The following NSFL1C variants were observed in gnomAD, a reference collection of about 807,000 sequenced individuals.
The protein encoded by NSFL1C is NSFL1 cofactor p47.
NSFL1C carries 14 observed loss-of-function variants against 43.1 expected under a neutral mutation model. The ratio of observed to expected loss-of-function variants is 0.32; its 90% CI spans 0.21 to 0.51. The LOEUF (loss-of-function observed/expected upper bound fraction) is 0.51. NSFL1C is among the 20% of genes least tolerant of loss of function. The pLI is 0.98. For synonymous variants in NSFL1C, 171 were observed against 183.5 expected, an observed-to-expected ratio of 0.93 and a Z score of 0.55; for missense variants, 406 against 472.5, an observed-to-expected ratio of 0.86 and a Z score of 1.30.
chr20:1,456,735 C>G (rs2090309310), intron 3 of NSFL1C: 1 of 152,058 alleles, frequency 6.6e-6, no homozygotes, highest in South Asian at 2.1e-4. Flanking sequence ...TATGCATGCC[C>G]TTGACCTGGT....
At position 1,442,266 on chromosome 20, in the gene NSFL1C, C is replaced by T. The variant is rs1461841628; in HGVS notation, c.*1483G>A. 1 of 152,182 alleles carries T rather than the reference C, an allele frequency of 6.6e-6. No homozygotes were observed. The highest frequency in any genetic ancestry group is 2.4e-5 in the African/African-American group (1 of 41,438). 9.4% of individuals were successfully genotyped at this position (152,182 alleles called of 1,614,324 possible). ...AATCTCCACCTGCTGGAGAAAACACCGTGACAGATGCCATTGCCCCAGCAG... is the reference window on the plus strand; with the variant it reads ...AATCTCCACCTGCTGGAGAAAACACTGTGACAGATGCCATTGCCCCAGCAG... On this transcript the variant is annotated 3_prime_UTR_variant, in exon 9 of 9. Transcript: ENST00000216879.
intron 2 of NSFL1C, among the ~76,000 whole-genome samples, chr20:1,460,172 G>T (rs1368769949): frequency 6.6e-6 from 1 of 152,196 alleles, no homozygotes; most frequent in East Asian, 1.9e-4. Context: ...GGCTTTCTGT[G>T]TGCAGGTGGG....
At chr20:1,465,436 C>T (rs1302877599) in intron 1 of NSFL1C, among the ~76,000 whole-genome samples, 2 of 152,200 alleles carry the variant, frequency 1.3e-5, no homozygotes, top group African/African-American at 2.4e-5. Context: ...GTGAGGGGAA[C>T]GAGACAGAAG....
intron 1 of NSFL1C, among the ~76,000 whole-genome samples, chr20:1,465,478 G>A (rs1194184915): frequency 6.6e-6 from 1 of 152,236 alleles, no homozygotes; most frequent in Non-Finnish European, 1.5e-5. Flanking sequence ...GTGCTTTTAG[G>A]TCTTTCAGGT....
rs931311006 is a variant in NSFL1C at position 1,442,239 on chromosome 20, A to G, written c.*1510T>C. The G allele has an allele frequency of 2.0e-5, 3 of 152,240 alleles. No individual in the cohort carries two copies. The highest frequency in any genetic ancestry group is 7.2e-5 in the African/African-American group (3 of 41,456). The allele number at this position is 152,240 out of a possible 1,614,324, so 9.4% of individuals were successfully genotyped here. A position where few individuals can be genotyped will look rare whatever the true frequency, so the allele number is the denominator to read the frequency against. On this transcript the variant is annotated 3_prime_UTR_variant, in exon 9 of 9. Transcript: ENST00000216879. The stretch of plus-strand genomic sequence containing the variant: ...TTTTCCAGACCCATATGTAGGTTCC[A>G]TAATCTCCACCTGCTGGAGAAAACA...
chr20:1,458,485 A>G (rs1175180906), intron 2 of NSFL1C, among the ~76,000 whole-genome samples: 2 of 152,200 alleles, frequency 1.3e-5, no homozygotes. Flanking sequence ...TATAAATTAG[A>G]AAGTCCTATC....
chr20:1,466,639 G>C, intron 1 of NSFL1C, 81 bp downstream of exon 1: 3 of 1,350,586 alleles, frequency 2.2e-6, no homozygotes, highest in Non-Finnish European at 2.0e-6. Context: ...TGTGCGCTTC[G>C]GCCGCCGCGG....
In NSFL1C at chr20:1,455,178, T is replaced by C. The variant is rs370769244; in HGVS notation, c.279-46A>G. 5.0e-5 allele frequency: 80 copies of C among 1,608,734 alleles called. No homozygotes were observed. The East Asian group carries it at 1.1e-3, about 22-fold the overall frequency. On this transcript the variant is annotated intron_variant, in intron 3 of 8. Transcript: ENST00000216879. ...TAACATGAAACACTCATGGAAAACA[T>C]GAATAGAGCATGTGCCAGGTTGGTG...
chr20:1,461,516 G>T (rs1471101214), intron 2 of NSFL1C, among the ~76,000 whole-genome samples: 1 of 152,198 alleles, frequency 6.6e-6, no homozygotes, highest in Non-Finnish European at 1.5e-5. Context: ...GAGCACCAAA[G>T]AAATCAGTTT....
chr20:1,450,237 A>G (rs2090156371), intron 7 of NSFL1C, among the ~76,000 whole-genome samples: 1 of 152,224 alleles, frequency 6.6e-6, no homozygotes, highest in Non-Finnish European at 1.5e-5. Context: ...GGTTCACAAG[A>G]CAATGAAAAA....
chr20:1,466,621 G>A (rs1231388144), intron 1 of NSFL1C, 99 bp downstream of exon 1: 7 of 1,159,908 alleles, frequency 6.0e-6, no homozygotes, highest in East Asian at 2.8e-5. Flanking sequence ...CGGTAGAGCG[G>A]GGATGACTGT....
At position 1,454,991 on chromosome 20, in the gene NSFL1C, G is replaced by A. The variant is rs780568674; in HGVS notation, c.420C>T (p.Ser140=). Reference sequence around the variant, plus strand: ...CTCTCGGTTTACTGGTCTCTCCAGGGCTCTTGGTCACTCGCTCCACAGCTA... The same window carrying A: ...CTCTCGGTTTACTGGTCTCTCCAGGACTCTTGGTCACTCGCTCCACAGCTA... ...GAVAVERVTK[S]PGETSKPRPF... Residue 140 remains serine (S), a synonymous_variant, in exon 4 of 9, where the codon AGC becomes AGT. Transcript: ENST00000216879. 1.2e-5 allele frequency: 20 copies of A among 1,613,870 alleles called. No homozygotes were observed. Among genetic ancestry groups the A allele is most frequent in the Non-Finnish European group, 1.7e-5 (20 of 1,180,010 alleles).
chr20:1,458,698 G>A (rs934626542), intron 2 of NSFL1C, among the ~76,000 whole-genome samples: 3 of 152,088 alleles, frequency 2.0e-5, no homozygotes, highest in African/African-American at 7.2e-5. Flanking sequence ...TGGACCAACT[G>A]CCAAAGAACT....
intron 2 of NSFL1C, among the ~76,000 whole-genome samples, chr20:1,459,271 G>A (rs144770694): frequency 6.6e-6 from 1 of 152,296 alleles, no homozygotes; most frequent in Non-Finnish European, 1.5e-5. Flanking sequence ...GATAGTGAGT[G>A]AGCTCTCACA....
rs1262958963 is a variant in NSFL1C at position 1,443,525 on chromosome 20, T to C, written c.*224A>G. 1 of 429,076 alleles carries C rather than the reference T, an allele frequency of 2.3e-6. No homozygotes were observed. The highest frequency in any genetic ancestry group is 4.1e-6 in the Non-Finnish European group (1 of 241,448). 26.6% of individuals were successfully genotyped at this position (429,076 alleles called of 1,614,324 possible). ...TATTCCTTCAATTTTTTTGGTTGTT[T>C]TTATTTTTTTTTTCATTAAAGTCCA... On this transcript the variant is annotated 3_prime_UTR_variant, in exon 9 of 9. Coordinates refer to ENST00000216879, the MANE Select transcript of NSFL1C (RefSeq NM_016143.5).
chr20:1,443,782 C>G lies in NSFL1C; in HGVS notation c.1080G>C (p.Leu360=). 1.2e-6 allele frequency: 2 copies of G among 1,614,198 alleles called. No individual in the cohort carries two copies. Among genetic ancestry groups the G allele is most frequent in the Non-Finnish European group, 1.7e-6 (2 of 1,180,042 alleles). ...ACCGCTGCACGATGACAGCATTGAG[C>G]AGGTTGGCTTCCTTCAGGGTCTGGC... ...DESQTLKEAN[L]LNAVIVQRLT is the part of the protein sequence containing the mutation. The change falls in exon 9 of 9, where the codon CTG becomes CTC. Residue 360 remains leucine (L), a synonymous_variant. Coordinates refer to ENST00000216879, the MANE Select transcript of NSFL1C (RefSeq NM_016143.5).
intron 1 of NSFL1C, among the ~76,000 whole-genome samples, 190 bp from the exon 2 acceptor site, chr20:1,464,616 C>T (rs938907317): frequency 6.6e-6 from 1 of 152,208 alleles, no homozygotes; most frequent in Non-Finnish European, 1.5e-5. Context: ...ACAAATTCCA[C>T]CCACTAAGGT....
chr20:1,464,603 G>A (rs951550546), intron 1 of NSFL1C, among the ~76,000 whole-genome samples, 177 bp from the exon 2 acceptor site: 1 of 152,240 alleles, frequency 6.6e-6, no homozygotes, highest in African/African-American at 2.4e-5. Flanking sequence ...CGTGTCAACT[G>A]AAACAAATTC....
At chr20:1,465,024 T>C (rs753024546) in intron 1 of NSFL1C, among the ~76,000 whole-genome samples, 2 of 152,074 alleles carry the variant, frequency 1.3e-5, no homozygotes, top group Non-Finnish European at 2.9e-5. Context: ...ATCTGTGAAA[T>C]GGGGGTACCT....
Sources: allele counts gnomAD v4.1 joint callset (sites outside exome capture counted in the v4.1 genomes callset), GRCh38; gene constraint gnomAD v4.1.1; transcripts MANE v1.5; gene names NCBI Gene and HGNC (gene_info 2026-07-23, HGNC 2026-07-21).